The following PCCA variants were observed in gnomAD, a reference collection of about 807,000 sequenced individuals.
PCCA encodes propionyl-CoA carboxylase alpha chain, mitochondrial.
PCCA carries 74 observed loss-of-function variants against 101.3 expected under a neutral mutation model. The ratio of observed to expected loss-of-function variants is 0.73; its 90% confidence interval spans 0.61 to 0.89. The LOEUF is 0.89. PCCA is among the 40% of genes least tolerant of loss of function. PCCA has a pLI of 0.00. For missense variants in PCCA, 891 were observed against 907.0 expected (o/e 0.98, Z 0.23); for synonymous variants, 294 against 313.6 (o/e 0.94, Z 0.66).
intron 8 of PCCA, among the ~76,000 whole-genome samples, chr13:100,248,462 G>C (rs897035140): frequency 6.6e-6 from 1 of 152,126 alleles, no homozygotes; most frequent in Non-Finnish European, 1.5e-5. Context: ...GCAACATTTA[G>C]TGTTGTCAGT....
chr13:100,204,742 T>A (rs1330267892), intron 6 of PCCA, among the ~76,000 whole-genome samples: 1 of 152,180 alleles, frequency 6.6e-6, no homozygotes, highest in Non-Finnish European at 1.5e-5. Flanking sequence ...GTCACAGAAT[T>A]TAGGAAATGA....
chr13:100,358,756 G>T (rs946845373), intron 18 of PCCA, among the ~76,000 whole-genome samples: 1 of 152,186 alleles, frequency 6.6e-6, no homozygotes, highest in African/African-American at 2.4e-5. Flanking sequence ...CTTGATTGTG[G>T]TGATAATGTA....
chr13:100,298,668 CTCCCTCCTTCCTTCCTTCCT>C lies in PCCA; in HGVS notation c.1066-2788_1066-2769del, dbSNP rs2065813187. ...CCTCCCTCCCTCCCTCCCTCCCTCCCTCCCTCCTTCCTTCCTTCCTTCCTTCCTTCCTTCCTTCCTTCCTT... is the reference window on the plus strand; with the variant it reads ...CCTCCCTCCCTCCCTCCCTCCCTCCCTCCTTCCTTCCTTCCTTCCTTCCTT... On this transcript the variant is annotated intron_variant, in intron 12 of 23. Transcript: ENST00000376285. 2.2e-3 allele frequency among the ~76,000 whole-genome samples: 8 copies of C among 3,628 alleles called. 1 individual carries two copies. Among genetic ancestry groups the C allele is most frequent in the Non-Finnish European group, 6.1e-3 (6 of 988 alleles). The allele number at this position is 3,628 out of a possible 152,430, so 2.4% of individuals were successfully genotyped here. A position where few individuals can be genotyped will look rare whatever the true frequency, so the allele number is the denominator to read the frequency against.
intron 16 of PCCA, among the ~76,000 whole-genome samples, chr13:100,315,271 C>T (rs898487585): frequency 1.3e-5 from 2 of 149,948 alleles, no homozygotes; most frequent in Admixed American, 6.6e-5. Context: ...GAAATAATTT[C>T]AAAATTTAAA....
chr13:100,278,803 T>C (rs2063858118), intron 12 of PCCA, among the ~76,000 whole-genome samples: 1 of 152,180 alleles, frequency 6.6e-6, no homozygotes, highest in African/African-American at 2.4e-5. Context: ...TATCGAATAA[T>C]TCTATGCAGT....
At chr13:100,422,119 T>TTTCTTTCTTTC in intron 19 of PCCA, among the ~76,000 whole-genome samples, 1 of 82,210 alleles carries the variant, frequency 1.2e-5, no homozygotes, top group Admixed American at 1.3e-4. Flanking sequence ...TCTTTCTTTC[T>TTTCTTTCTTTC]TTTCTTTCTT....
intron 23 of PCCA, 105 bp downstream of exon 23, chr13:100,527,857 TC>T: frequency 1.2e-6 from 1 of 833,728 alleles, no homozygotes; most frequent in Non-Finnish European, 2.1e-6. Context: ...AGGCGCCCTC[TC>T]CCCCTCGCTT....
chr13:100,295,685 G>A (rs2065471256), intron 12 of PCCA, among the ~76,000 whole-genome samples: 1 of 152,128 alleles, frequency 6.6e-6, no homozygotes, highest in Non-Finnish European at 1.5e-5. Flanking sequence ...TAGGTATGGT[G>A]GGCCTTACAC....
rs2072676182 is a variant in PCCA at position 100,348,733 on chromosome 13, TTTCTTTCTTTCTTTCTTTC to T, written c.1643+8477_1643+8495del. Among the ~76,000 whole-genome samples the T allele has an allele frequency of 9.1e-5, 7 of 77,168 alleles. 1 individual carries two copies. The highest frequency in any genetic ancestry group is 4.2e-4 in the African/African-American group (7 of 16,636). The allele number at this position is 77,168 out of a possible 152,430, so 50.6% of individuals were successfully genotyped here. A position where few individuals can be genotyped will look rare whatever the true frequency, so the allele number is the denominator to read the frequency against. On this transcript the variant is annotated intron_variant, in intron 18 of 23. Coordinates refer to ENST00000376285, the MANE Select transcript of PCCA (RefSeq NM_000282.4). ...TTTACTTTCCGTTTTTTTTCCTTTC[TTTCTTTCTTTCTTTCTTTC>T]TTTCTTTCTTTCTTTCTTTCTTTCT... is the stretch of plus-strand genomic sequence containing the variant.
chr13:100,524,374 C>CGTGTGTGTGTGTGTGTGTGTGTGTGT (rs1210676697), intron 22 of PCCA, among the ~76,000 whole-genome samples: 115 of 139,162 alleles, frequency 8.3e-4, no homozygotes, highest in South Asian at 1.6e-3. Flanking sequence ...CAATTAAGCT[C>CGTGTGTGTGTGTGTGTGTGTGTGTGT]GTGTGTGTGT....
At chr13:100,284,750 A>G (rs2064456670) in intron 12 of PCCA, among the ~76,000 whole-genome samples, 1 of 152,032 alleles carries the variant, frequency 6.6e-6, no homozygotes, top group Non-Finnish European at 1.5e-5. Flanking sequence ...ATTTCCCTGC[A>G]CTCTGATTCC....
chr13:100,201,859 A>G (rs1271130149), intron 6 of PCCA, among the ~76,000 whole-genome samples: 2 of 15,166 alleles, frequency 1.3e-4, no homozygotes, highest in African/African-American at 1.4e-3. Flanking sequence ...CTGCGTCTCA[A>G]AAAAAAAAAA....
intron 12 of PCCA, among the ~76,000 whole-genome samples, chr13:100,293,512 G>C (rs2065291521): frequency 6.6e-6 from 1 of 152,136 alleles, no homozygotes; most frequent in Non-Finnish European, 1.5e-5. Flanking sequence ...TTCTAGACCT[G>C]CCAGATGAAA....
chr13:100,168,730 G>A (rs2055315063), intron 6 of PCCA, among the ~76,000 whole-genome samples: 1 of 152,264 alleles, frequency 6.6e-6, no homozygotes, highest in South Asian at 2.1e-4. Flanking sequence ...CCTTCCCTGT[G>A]AGTCTCAGTG....
chr13:100,360,392 C>CCTGAAA (rs2074441077), intron 18 of PCCA, among the ~76,000 whole-genome samples: 1 of 152,094 alleles, frequency 6.6e-6, no homozygotes, highest in Admixed American at 6.6e-5. Flanking sequence ...TACAAATTTT[C>CCTGAAA]CTGAAATGGG....
chr13:100,251,445 T>C (rs1326938048), intron 8 of PCCA, among the ~76,000 whole-genome samples: 1 of 152,216 alleles, frequency 6.6e-6, no homozygotes, highest in Non-Finnish European at 1.5e-5. Flanking sequence ...TAGATTTACT[T>C]AGTAACTCTT....
chr13:100,518,485 C>T (rs1456045275), intron 22 of PCCA, among the ~76,000 whole-genome samples: 1 of 152,172 alleles, frequency 6.6e-6, no homozygotes, highest in Non-Finnish European at 1.5e-5. Context: ...ATTTGAAGGG[C>T]TTCTGTAGGG....
chr13:100,317,916 C>T (rs117747005), intron 16 of PCCA, among the ~76,000 whole-genome samples: 3,833 of 152,262 alleles, frequency 0.025, 69 homozygotes, highest in South Asian at 0.065. Context: ...CCATCAGTCC[C>T]TGCCTGCCTC....
At chr13:100,525,026 T>TAGATAGATAGATAGATAGACAGAC (rs1178941372) in intron 22 of PCCA, among the ~76,000 whole-genome samples, 2 of 142,526 alleles carry the variant, frequency 1.4e-5, no homozygotes, top group African/African-American at 2.6e-5. Flanking sequence ...GATAGATAGA[T>TAGATAGATAGATAGATAGACAGAC]AGACAGACAG....
Sources: allele counts gnomAD v4.1 joint callset (sites outside exome capture counted in the v4.1 genomes callset), GRCh38; gene constraint gnomAD v4.1.1; transcripts MANE v1.5; gene names NCBI Gene and HGNC (gene_info 2026-07-23, HGNC 2026-07-21).